MALAT1: variants seen among roughly 807,000 people sequenced by gnomAD.
The protein encoded by MALAT1 is metastasis associated lung adenocarcinoma transcript 1, also known as hepcarcin.
intron 3 of MALAT1, chr11:65,504,805 A>C (rs1854642700): frequency 3.9e-6 from 2 of 518,986 alleles, no homozygotes; most frequent in African/African-American, 1.9e-5. Flanking sequence ...CCTTGGTCTT[A>C]ATTCTTACAT....
At chr11:65,498,156 T>C (rs898666303) in intron 1 of MALAT1, 2 of 518,932 alleles carry the variant, frequency 3.9e-6, no homozygotes, top group South Asian at 1.4e-5. Flanking sequence ...TAAACACTTC[T>C]GGGTGTGTCC....
intron 3 of MALAT1, chr11:65,503,937 T>TAC (rs1419600204): frequency 3.9e-6 from 2 of 515,844 alleles, no homozygotes; most frequent in Non-Finnish European, 7.7e-6. Context: ...AAAAGGTAAT[T>TAC]ACACATTTTA....
At chr11:65,497,954 T>C (rs1854427557) in intron 1 of MALAT1, 3 of 518,850 alleles carry the variant, frequency 5.8e-6, no homozygotes, top group African/African-American at 3.8e-5. Context: ...TAGCTGTCCT[T>C]ATAGGCTGGC....
chr11:65,506,334 T>G (rs1854697230), exon 4 of MALAT1: 2 of 469,814 alleles, frequency 4.3e-6, no homozygotes, highest in African/African-American at 4.1e-5. Flanking sequence ...TTGACTTGAT[T>G]GTATATTCAT....
chr11:65,503,875 CTAAA>C (rs777247427), exon 3 of MALAT1: 5 of 518,110 alleles, frequency 9.7e-6, no homozygotes, highest in Non-Finnish European at 1.5e-5. Flanking sequence ...TAGAGGCCCT[CTAAA>C]TAAGGAATAA....
chr11:65,499,086 C>G (rs745530844), exon 3 of MALAT1: 1 of 518,134 alleles, frequency 1.9e-6, no homozygotes, highest in South Asian at 1.4e-5. Flanking sequence ...GCTGAGGGGG[C>G]AGGCGGAGCT....
exon 3 of MALAT1, chr11:65,503,199 T>G (rs1197834039): frequency 1.9e-6 from 1 of 513,158 alleles, no homozygotes; most frequent in Admixed American, 2.0e-5. Flanking sequence ...CAGATAAGTT[T>G]AACTTGCATC....
At chr11:65,502,936 AT>A in exon 3 of MALAT1, 1 of 494,772 alleles carries the variant, frequency 2.0e-6, no homozygotes, top group East Asian at 5.6e-5. Flanking sequence ...GAGAAATACA[AT>A]GAAGAGGCAA....
At chr11:65,503,741 C>T (rs746326152) in exon 3 of MALAT1, 9 of 517,104 alleles carry the variant, frequency 1.7e-5, no homozygotes, top group East Asian at 5.4e-5. Context: ...ACTTTGTCTG[C>T]GAACACTCTT....
exon 3 of MALAT1, chr11:65,503,722 C>T (rs757654266): frequency 1.9e-6 from 1 of 517,412 alleles, no homozygotes; most frequent in Admixed American, 1.9e-5. Flanking sequence ...CTTCTCTAAT[C>T]TTTCAGAAAC....
exon 3 of MALAT1, chr11:65,502,185 T>C: frequency 1.9e-6 from 1 of 518,428 alleles, no homozygotes; most frequent in African/African-American, 1.9e-5. Flanking sequence ...AGTATTGAAC[T>C]GGGGGTTGGT....
intron 1 of MALAT1, chr11:65,498,231 T>C (rs1028907386): frequency 3.9e-6 from 2 of 518,886 alleles, no homozygotes; most frequent in Non-Finnish European, 3.8e-6. Flanking sequence ...TGGTCTACTT[T>C]AAAAGGCCAC....
intron 1 of MALAT1, chr11:65,498,579 T>G (rs1565672538): frequency 1.9e-6 from 1 of 518,746 alleles, no homozygotes; most frequent in Non-Finnish European, 3.9e-6. Flanking sequence ...GGGGAGAAAG[T>G]CCGCCATTTT....
At chr11:65,501,869 G>A in exon 3 of MALAT1, 1 of 517,454 alleles carries the variant, frequency 1.9e-6, no homozygotes, top group Non-Finnish European at 3.9e-6. Flanking sequence ...GCAATTAGTT[G>A]GCAGTGGCCT....
exon 3 of MALAT1, chr11:65,499,737 C>T: frequency 2.3e-6 from 1 of 431,816 alleles, no homozygotes; most frequent in East Asian, 7.2e-5. Context: ...TAAAAACATA[C>T]TTTTAGAAGA....
chr11:65,505,859 C>CA (rs764453511), intron 3 of MALAT1: 1 of 464,336 alleles, frequency 2.2e-6, no homozygotes, highest in Non-Finnish European at 4.3e-6. Flanking sequence ...TGGGTGGGAA[C>CA]ATGTAACTTG....
intron 3 of MALAT1, chr11:65,504,709 C>G (rs1054922699): frequency 3.9e-6 from 2 of 518,804 alleles, no homozygotes; most frequent in Admixed American, 3.9e-5. Flanking sequence ...CAACAGTCTT[C>G]AAGAAATTAA....
chr11:65,499,065 C>G (rs781394890), exon 3 of MALAT1: 3 of 518,086 alleles, frequency 5.8e-6, no homozygotes, highest in South Asian at 2.8e-5. Flanking sequence ...GCAGCCAGCG[C>G]AGGGGCTTCT....
At chr11:65,501,643 G>A (rs183080536) in exon 3 of MALAT1, 1 of 519,004 alleles carries the variant, frequency 1.9e-6, no homozygotes, top group East Asian at 5.4e-5. Flanking sequence ...GTACCGCTGT[G>A]CTGTTGGCAC....
Sources: allele counts gnomAD v4.1 joint callset, GRCh38; gene constraint gnomAD v4.1.1; transcripts MANE v1.5; gene names NCBI Gene and HGNC (gene_info 2026-07-23, HGNC 2026-07-21).